Variants in SOX5 observed in about 807,000 individuals in gnomAD.
The protein encoded by SOX5 is transcription factor SOX-5.
In SOX5, 9 loss-of-function variants were observed where a neutral mutation model predicts 92.0. That is an observed-to-expected ratio of 0.10 (90% CI 0.06 to 0.17). The LOEUF is 0.17. Among genes scored for constraint, SOX5 ranks in the 10% least tolerant of loss-of-function variants. The pLI, the probability that SOX5 is intolerant of heterozygous loss-of-function variation, is 1.00. For synonymous variants in SOX5, 344 were observed against 336.3 expected (o/e 1.02, Z -0.25); for missense variants, 642 against 944.5 (o/e 0.68, Z 4.20).
chr12:24,055,375 C>A (rs7952778), intron 4 of SOX5, among the ~76,000 whole-genome samples: 85,125 of 152,040 alleles, frequency 0.56, 24,147 homozygotes, highest in Middle Eastern at 0.68. Flanking sequence ...AATAAGCTAC[C>A]GGTCAACAGT....
intron 4 of SOX5, among the ~76,000 whole-genome samples, chr12:24,112,696 T>C (rs1046773805): frequency 2.0e-5 from 3 of 149,126 alleles, no homozygotes; most frequent in East Asian, 3.9e-4. Context: ...GCCCAGCTAA[T>C]TTTTTTTTTC....
chr12:23,961,739 C>T (rs1018902599), intron 4 of SOX5, among the ~76,000 whole-genome samples: 34 of 152,136 alleles, frequency 2.2e-4, no homozygotes, highest in African/African-American at 7.0e-4. Flanking sequence ...TATTTCACAG[C>T]ATTGTATGTA....
rs563948309 is a variant in SOX5, at chr12:23,560,723, G to T, written c.1488+2535C>A. ...AATGTTGAATAATTACTAATTAAAA[G>T]ATGTAAGTGTGACATTATTATCTCA... On this transcript the variant is annotated intron_variant, in intron 11 of 14. Transcript: ENST00000451604. Among the ~76,000 whole-genome samples, 14 of 152,326 alleles carry T rather than the reference G, an allele frequency of 9.2e-5. No individual in the cohort carries two copies. In the East Asian group the frequency reaches 1.5e-3, roughly 17 times the overall value.
At chr12:23,579,125 T>C (rs1399358499) in intron 9 of SOX5, among the ~76,000 whole-genome samples, 1 of 152,188 alleles carries the variant, frequency 6.6e-6, no homozygotes, top group Admixed American at 6.5e-5. Context: ...AAGTGTCATA[T>C]GTCTTAGCTT....
At chr12:24,262,644 G>A (rs1942321518) in intron 3 of SOX5, among the ~76,000 whole-genome samples, 1 of 152,186 alleles carries the variant, frequency 6.6e-6, no homozygotes. Context: ...GAAGTGAGTT[G>A]TTAACCTTTG....
chr12:24,400,638 A>G (rs1258387092), intron 1 of SOX5, among the ~76,000 whole-genome samples: 1 of 152,222 alleles, frequency 6.6e-6, no homozygotes. Context: ...TCTCTTCCCG[A>G]GTCTCCTTAT....
chr12:23,558,486 G>T (rs978335085), intron 11 of SOX5, among the ~76,000 whole-genome samples: 1 of 152,152 alleles, frequency 6.6e-6, no homozygotes, highest in African/African-American at 2.4e-5. Flanking sequence ...CAACCATTTT[G>T]TGACCCAAAG....
At position 23,616,221 on chromosome 12, in the gene SOX5, C is replaced by T. The variant is rs532025387; in HGVS notation, c.1018-11688G>A. On this transcript the variant is annotated intron_variant, in intron 8 of 14. Transcript: ENST00000451604. ...GAGTAGACAGGGCTGACAGCCAGCT[C>T]TCAGGACTGAGACTCTTGGTCAAAC... Among the ~76,000 whole-genome samples the T allele has an allele frequency of 3.3e-5, 5 of 152,318 alleles. No homozygotes were observed. In the East Asian group the frequency reaches 7.7e-4, roughly 24 times the overall value.
chr12:24,151,851 T>C (rs902544023), intron 4 of SOX5, among the ~76,000 whole-genome samples: 12 of 152,080 alleles, frequency 7.9e-5, no homozygotes, highest in South Asian at 2.1e-4. Context: ...TAGAATACGA[T>C]GCAAGAAGTA....
chr12:24,366,735 T>C (rs976104696), intron 2 of SOX5, among the ~76,000 whole-genome samples: 1 of 152,136 alleles, frequency 6.6e-6, no homozygotes, highest in Non-Finnish European at 1.5e-5. Flanking sequence ...CCCTGTACTC[T>C]GTACTCTTGA....
At chr12:24,312,186 A>C (rs1949249477) in intron 2 of SOX5, among the ~76,000 whole-genome samples, 1 of 152,178 alleles carries the variant, frequency 6.6e-6, no homozygotes, top group African/African-American at 2.4e-5. Context: ...GTAAAGTAAT[A>C]TGTGCAGAAA....
At chr12:23,842,514 T>A (rs185589328) in intron 3 of SOX5, among the ~76,000 whole-genome samples, 11 of 152,304 alleles carry the variant, frequency 7.2e-5, no homozygotes, top group African/African-American at 2.4e-4. Flanking sequence ...AAGCAAGGGA[T>A]ATACTCTGCA....
intron 2 of SOX5, among the ~76,000 whole-genome samples, chr12:24,281,463 G>A (rs1201274548): frequency 6.6e-6 from 1 of 152,120 alleles, no homozygotes; most frequent in African/African-American, 2.4e-5. Context: ...AAGCTAAAAA[G>A]GTCACCATTT....
At chr12:24,177,143 A>T (rs1020914070) in intron 4 of SOX5, among the ~76,000 whole-genome samples, 13 of 152,138 alleles carry the variant, frequency 8.5e-5, no homozygotes, top group African/African-American at 3.1e-4. Flanking sequence ...GGGCTAAGGG[A>T]TTATTAACAT....
intron 3 of SOX5, among the ~76,000 whole-genome samples, chr12:24,276,236 C>T (rs1944413455): frequency 6.6e-6 from 1 of 151,944 alleles, no homozygotes; most frequent in Admixed American, 6.6e-5. Context: ...TTTCATTTGT[C>T]TGTGAATATA....
At chr12:24,240,897 T>C (rs984167390) in intron 3 of SOX5, among the ~76,000 whole-genome samples, 35 of 152,346 alleles carry the variant, frequency 2.3e-4, no homozygotes, top group African/African-American at 8.4e-4. Flanking sequence ...TACAGATTTT[T>C]CTTAATGACA....
At chr12:23,721,073 TTTTATTTA>T (rs573080260) in intron 6 of SOX5, among the ~76,000 whole-genome samples, 8 of 146,536 alleles carry the variant, frequency 5.5e-5, no homozygotes, top group South Asian at 2.1e-4. Context: ...ATATTAATTA[TTTTATTTA>T]TTTATTTATT....
chr12:24,412,187 T>A (rs1964230359), intron 1 of SOX5, among the ~76,000 whole-genome samples: 1 of 152,178 alleles, frequency 6.6e-6, no homozygotes, highest in Non-Finnish European at 1.5e-5. Context: ...TTTTTTCTGT[T>A]TTTACTCTGT....
At chr12:24,163,152 T>A (rs1235788288) in intron 4 of SOX5, among the ~76,000 whole-genome samples, 1 of 152,122 alleles carries the variant, frequency 6.6e-6, no homozygotes, top group Non-Finnish European at 1.5e-5. Context: ...GAAGGCTTTT[T>A]AAATATGAAG....
Sources: gnomAD v4.1 joint callset for allele counts (sites outside exome capture counted in the v4.1 genomes callset) on GRCh38, gnomAD v4.1.1 for gene constraint, MANE v1.5 for transcripts, NCBI Gene and HGNC (gene_info 2026-07-23, HGNC 2026-07-21) for gene names.